ZSWIM6: variants seen among roughly 807,000 people sequenced by gnomAD.
The protein encoded by ZSWIM6 is zinc finger SWIM-type containing 6.
ZSWIM6 carries 9 observed loss-of-function variants against 113.2 expected under a neutral mutation model. The observed-to-expected ratio is 0.08, with a 90% confidence interval of 0.05 to 0.14. The LOEUF is 0.14. ZSWIM6 is among the 10% of genes least tolerant of loss of function. ZSWIM6 has a pLI of 1.00. For missense variants in ZSWIM6, 1,162 were observed against 1,552.2 expected, an observed-to-expected ratio of 0.75 and a Z score of 4.22; for synonymous variants, 611 against 606.5, an observed-to-expected ratio of 1.01 and a Z score of -0.11.
rs571077537 is a variant in ZSWIM6 at position 61,510,624 on chromosome 5, GT to G, written c.1334-10638del. Among the ~76,000 whole-genome samples, 4 of 152,138 alleles carry G rather than the reference GT, an allele frequency of 2.6e-5. No individual in the cohort carries two copies. The South Asian group carries it at 8.3e-4, about 32-fold the overall frequency. ...GGAATAGGCAGTATTAGAAAGGAGAGTAGAAACATGCTGGATGTTAGAGAAA... is the reference window on the plus strand; with the variant it reads ...GGAATAGGCAGTATTAGAAAGGAGAGAGAAACATGCTGGATGTTAGAGAAA... On this transcript the variant is annotated intron_variant, in intron 4 of 13. Transcript: ENST00000252744.
intron 1 of ZSWIM6, among the ~76,000 whole-genome samples, chr5:61,348,187 C>T (rs562592668): frequency 1.5e-4 from 23 of 152,120 alleles, no homozygotes; most frequent in Admixed American, 6.5e-4. Context: ...TGCCACTGCC[C>T]TCCAGCCTGG....
At chr5:61,387,123 T>G (rs949267311) in intron 1 of ZSWIM6, among the ~76,000 whole-genome samples, 3 of 152,184 alleles carry the variant, frequency 2.0e-5, no homozygotes, top group African/African-American at 7.2e-5. Context: ...TAGCTTTCTA[T>G]GGTAGATTGG....
intron 3 of ZSWIM6, among the ~76,000 whole-genome samples, chr5:61,493,904 G>A (rs1264515376): frequency 2.0e-5 from 3 of 152,058 alleles, no homozygotes; most frequent in Non-Finnish European, 4.4e-5. Context: ...TATGAAACAC[G>A]ATTTACTCAC....
intron 1 of ZSWIM6, among the ~76,000 whole-genome samples, chr5:61,362,723 T>C (rs1238289214): frequency 6.6e-6 from 1 of 152,200 alleles, no homozygotes; most frequent in Non-Finnish European, 1.5e-5. Flanking sequence ...AAGCTTTCTG[T>C]GCCATCAAGT....
chr5:61,487,950 T>C (rs895778406), intron 2 of ZSWIM6, among the ~76,000 whole-genome samples: 8 of 152,094 alleles, frequency 5.3e-5, no homozygotes, highest in Non-Finnish European at 1.2e-4. Context: ...ATTCCTGTCT[T>C]ATTCCAGTTC....
intron 1 of ZSWIM6, among the ~76,000 whole-genome samples, chr5:61,419,313 C>T (rs1466849127): frequency 2.0e-5 from 3 of 152,192 alleles, no homozygotes; most frequent in Admixed American, 6.5e-5. Flanking sequence ...ATAATTCTAC[C>T]ATTATCTCAC....
At chr5:61,539,492 T>C in intron 11 of ZSWIM6, 104 bp from the exon 12 acceptor site, 6 of 1,329,522 alleles carry the variant, frequency 4.5e-6, no homozygotes, top group Non-Finnish European at 6.0e-6. Context: ...TTTTGTTTCT[T>C]TTTTCCCCCT....
At chr5:61,358,466 C>G (rs1579951429) in intron 1 of ZSWIM6, among the ~76,000 whole-genome samples, 2 of 152,172 alleles carry the variant, frequency 1.3e-5, no homozygotes, top group African/African-American at 4.8e-5. Context: ...GAACTGTGTT[C>G]TGAATTCCAG....
chr5:61,334,535 G>C (rs2112017695), intron 1 of ZSWIM6, among the ~76,000 whole-genome samples: 1 of 152,264 alleles, frequency 6.6e-6, no homozygotes, highest in Middle Eastern at 3.4e-3. Flanking sequence ...GGTCTGGATA[G>C]GGTCCCCAAG....
chr5:61,396,547 A>AG (rs1225678215), intron 1 of ZSWIM6, among the ~76,000 whole-genome samples: 18 of 151,910 alleles, frequency 1.2e-4, no homozygotes, highest in African/African-American at 3.9e-4. Flanking sequence ...AAAAAAAAAA[A>AG]AGAGAATTGA....
intron 4 of ZSWIM6, among the ~76,000 whole-genome samples, chr5:61,510,592 T>C (rs1421161272): frequency 6.6e-6 from 1 of 151,430 alleles, no homozygotes; most frequent in Non-Finnish European, 1.5e-5. Flanking sequence ...CTAAAATCAC[T>C]GAGTATGGAA....
At chr5:61,427,700 C>T (rs948542397) in intron 1 of ZSWIM6, among the ~76,000 whole-genome samples, 2 of 151,806 alleles carry the variant, frequency 1.3e-5, no homozygotes, top group African/African-American at 4.8e-5. Flanking sequence ...TGGGTGGTCT[C>T]GAACTCCCGG....
chr5:61,538,789 C>T lies in ZSWIM6; in HGVS notation c.2382-25C>T, dbSNP rs1011713697. On this transcript the variant is annotated intron_variant, in intron 10 of 13. Coordinates refer to ENST00000252744, the MANE Select transcript of ZSWIM6 (RefSeq NM_020928.2). ...ACATGGTCAAGAAATAACTAGGGGC[C>T]ACCTTCCTTGTCTTCTCATTATAGG... is the stretch of plus-strand genomic sequence containing the variant. 5.9e-6 allele frequency: 9 copies of T among 1,535,810 alleles called. No homozygotes were observed. The African/African-American group carries it at 9.6e-5, about 16-fold the overall frequency.
At chr5:61,501,909 C>T (rs564897376) in intron 4 of ZSWIM6, among the ~76,000 whole-genome samples, 1 of 152,282 alleles carries the variant, frequency 6.6e-6, no homozygotes, top group South Asian at 2.1e-4. Flanking sequence ...GGTTCTCTCC[C>T]TACTTTTCCT....
rs1487244615 is a variant in ZSWIM6 at position 61,544,512 on chromosome 5, TCTTTC to T, written c.*200_*204del. On this transcript the variant is annotated 3_prime_UTR_variant, in exon 14 of 14. Coordinates refer to ENST00000252744, the MANE Select transcript of ZSWIM6 (RefSeq NM_020928.2). ...GTTTTTTATTTTTTCCCTATTTCTTTCTTTCCTTTATTTTATTATTTTTTTTAATT... is the reference window on the plus strand; with the variant it reads ...GTTTTTTATTTTTTCCCTATTTCTTTCTTTATTTTATTATTTTTTTTAATT... 2 of 319,816 alleles carry T rather than the reference TCTTTC, an allele frequency of 6.3e-6. No individual in the cohort carries two copies. Among genetic ancestry groups the T allele is most frequent in the East Asian group, 1.1e-4 (2 of 18,538 alleles). 19.8% of individuals were successfully genotyped at this position (319,816 alleles called of 1,614,324 possible). A position where few individuals can be genotyped will look rare whatever the true frequency, so the allele number is the denominator to read the frequency against.
At chr5:61,416,271 A>G (rs1327826402) in intron 1 of ZSWIM6, among the ~76,000 whole-genome samples, 1 of 152,198 alleles carries the variant, frequency 6.6e-6, no homozygotes, top group Non-Finnish European at 1.5e-5. Flanking sequence ...GTCAATTCTA[A>G]TAACTCTTGG....
At chr5:61,485,551 G>T (rs944630932) in intron 2 of ZSWIM6, among the ~76,000 whole-genome samples, 1 of 152,014 alleles carries the variant, frequency 6.6e-6, no homozygotes, top group East Asian at 1.9e-4. Flanking sequence ...TCAGTATTCC[G>T]TATGGTTGTT....
At chr5:61,515,502 C>T (rs1748909402) in intron 4 of ZSWIM6, among the ~76,000 whole-genome samples, 1 of 152,022 alleles carries the variant, frequency 6.6e-6, no homozygotes, top group African/African-American at 2.4e-5. Flanking sequence ...GGTTAGAGGC[C>T]CCAAATCATC....
At chr5:61,345,511 G>C (rs547045762) in intron 1 of ZSWIM6, among the ~76,000 whole-genome samples, 22 of 152,174 alleles carry the variant, frequency 1.4e-4, no homozygotes, top group South Asian at 2.1e-4. Flanking sequence ...AGGTGAATTT[G>C]TATCTTTGGA....
Sources: gnomAD v4.1 joint callset for allele counts (sites outside exome capture counted in the v4.1 genomes callset) on GRCh38, gnomAD v4.1.1 for gene constraint, MANE v1.5 for transcripts, NCBI Gene and HGNC (gene_info 2026-07-23, HGNC 2026-07-21) for gene names.